The following RUNDC3B variants were observed in gnomAD, a reference collection of about 807,000 sequenced individuals.
RUNDC3B encodes the protein RUN domain containing 3B.
A neutral mutation model predicts 58.4 loss-of-function variants in RUNDC3B; 33 were observed. The ratio of observed to expected loss-of-function variants is 0.56; its 90% CI spans 0.43 to 0.75. RUNDC3B has a LOEUF of 0.75. Among genes scored for constraint, RUNDC3B ranks in the 30% least tolerant of loss-of-function variants. The probability of loss-of-function intolerance (pLI) is 0.00; values close to 1 mark genes in which losing one functional copy is unlikely to be tolerated. For missense variants in RUNDC3B, 501 were observed against 535.7 expected (o/e 0.94, Z 0.64); for synonymous variants, 193 against 195.2 (o/e 0.99, Z 0.10).
intron 4 of RUNDC3B, among the ~76,000 whole-genome samples, chr7:87,726,367 GT>G (rs1363915522): frequency 6.6e-6 from 1 of 152,158 alleles, no homozygotes; most frequent in Non-Finnish European, 1.5e-5. Flanking sequence ...CCCATTGCTG[GT>G]TTTTGTCAGG....
chr7:87,646,891 C>T (rs962501133), intron 1 of RUNDC3B, among the ~76,000 whole-genome samples: 2 of 152,056 alleles, frequency 1.3e-5, no homozygotes, highest in Non-Finnish European at 2.9e-5. Flanking sequence ...CTTGACTATC[C>T]GTTAGGTACA....
intron 1 of RUNDC3B, among the ~76,000 whole-genome samples, chr7:87,649,172 A>G (rs937664851): frequency 1.8e-4 from 27 of 152,328 alleles, no homozygotes; most frequent in Non-Finnish European, 1.5e-4. Flanking sequence ...TTGAGGTGAC[A>G]GGACTGTTTT....
At chr7:87,807,239 T>C (rs1836484053) in intron 8 of RUNDC3B, 134 bp from the exon 9 acceptor site, 2 of 702,326 alleles carry the variant, frequency 2.8e-6, no homozygotes, top group African/African-American at 3.6e-5. Flanking sequence ...CCATCCTTGC[T>C]GTAGTTCTGT....
intron 7 of RUNDC3B, among the ~76,000 whole-genome samples, chr7:87,771,985 T>A (rs1340748389): frequency 6.6e-6 from 1 of 152,146 alleles, no homozygotes; most frequent in African/African-American, 2.4e-5. Context: ...AATACTGCCA[T>A]CATGGCCAAT....
rs191775104 is a variant in RUNDC3B at position 87,787,863 on chromosome 7, C to T, written c.956+9908C>T. Among the ~76,000 whole-genome samples the T allele has an allele frequency of 3.3e-3, 499 of 152,270 alleles. 5 individuals are homozygous for T. The highest frequency in any genetic ancestry group is 0.012 in the African/African-American group (489 of 41,568). On this transcript the variant is annotated intron_variant, in intron 8 of 10. Transcript: ENST00000394654. The stretch of plus-strand genomic sequence containing the variant: ...TAAGTAGAAAATTAAAATCTTTTGT[C>T]AAAATGCTACGGATCAAACAATGAG...
chr7:87,748,794 G>A (rs1832798379), intron 6 of RUNDC3B, among the ~76,000 whole-genome samples: 2 of 152,130 alleles, frequency 1.3e-5, no homozygotes, highest in African/African-American at 2.4e-5. Flanking sequence ...GCTGAGGAGG[G>A]AAGGTATTTT....
chr7:87,741,225 A>C (rs1386283590), intron 5 of RUNDC3B, among the ~76,000 whole-genome samples: 3 of 150,354 alleles, frequency 2.0e-5, no homozygotes, highest in African/African-American at 7.5e-5. Flanking sequence ...AAAAAAAAAA[A>C]CAAACAAAAA....
intron 1 of RUNDC3B, chr7:87,629,217 G>A (rs1306183175): frequency 2.9e-6 from 1 of 347,790 alleles, no homozygotes; most frequent in Non-Finnish European, 5.2e-6. Context: ...TTTTGAATGT[G>A]CAATCTAGCG....
intron 4 of RUNDC3B, among the ~76,000 whole-genome samples, chr7:87,736,012 G>A (rs1371229679): frequency 1.3e-5 from 2 of 152,082 alleles, no homozygotes; most frequent in Non-Finnish European, 2.9e-5. Context: ...TTCTTGGCAA[G>A]ACCTTTGGAG....
intron 4 of RUNDC3B, 75 bp from the exon 5 acceptor site, chr7:87,739,716 G>T (rs1832201737): frequency 1.6e-6 from 1 of 626,418 alleles, no homozygotes; most frequent in East Asian, 2.9e-5. Flanking sequence ...AATAGTTTGG[G>T]CTCTAAATGA....
At chr7:87,766,191 G>A (rs935865784) in intron 6 of RUNDC3B, among the ~76,000 whole-genome samples, 3 of 152,026 alleles carry the variant, frequency 2.0e-5, no homozygotes, top group African/African-American at 7.2e-5. Context: ...GTATTTACCT[G>A]TTAGGTGGGT....
intron 7 of RUNDC3B, among the ~76,000 whole-genome samples, chr7:87,773,830 A>G (rs1335151230): frequency 6.6e-6 from 1 of 151,992 alleles, no homozygotes; most frequent in Non-Finnish European, 1.5e-5. Flanking sequence ...GGCATGTGAC[A>G]CCACACCTGG....
chr7:87,662,113 G>T (rs1209388693), intron 2 of RUNDC3B, among the ~76,000 whole-genome samples: 2 of 151,972 alleles, frequency 1.3e-5, no homozygotes, highest in Non-Finnish European at 2.9e-5. Context: ...GTTTTTTCCT[G>T]TAGAGTTGTT....
chr7:87,772,734 C>T (rs780430776), intron 7 of RUNDC3B, among the ~76,000 whole-genome samples: 27 of 151,980 alleles, frequency 1.8e-4, no homozygotes, highest in Admixed American at 6.6e-4. Flanking sequence ...GAAAAGAGAA[C>T]GCAAAATGCA....
intron 4 of RUNDC3B, among the ~76,000 whole-genome samples, chr7:87,715,322 T>A (rs1830474007): frequency 7.6e-6 from 1 of 131,534 alleles, no homozygotes; most frequent in Non-Finnish European, 1.6e-5. Flanking sequence ...TAATTTATAA[T>A]AATTATATAT....
chr7:87,689,665 C>G (rs1827831533), intron 2 of RUNDC3B, among the ~76,000 whole-genome samples: 1 of 152,080 alleles, frequency 6.6e-6, no homozygotes, highest in Non-Finnish European at 1.5e-5. Context: ...ATTTAGTGGA[C>G]TTTGTTCATT....
intron 4 of RUNDC3B, among the ~76,000 whole-genome samples, chr7:87,720,051 C>G (rs970409864): frequency 2.1e-5 from 3 of 146,216 alleles, no homozygotes; most frequent in Non-Finnish European, 4.5e-5. Context: ...ATAGAAACAT[C>G]AAAATACAAT....
At chr7:87,775,166 G>A (rs1834552278) in intron 7 of RUNDC3B, among the ~76,000 whole-genome samples, 1 of 152,174 alleles carries the variant, frequency 6.6e-6, no homozygotes, top group African/African-American at 2.4e-5. Context: ...AGCTCCATGT[G>A]TTAATGCTCC....
intron 2 of RUNDC3B, among the ~76,000 whole-genome samples, chr7:87,696,200 CATCTT>C (rs1828479959): frequency 1.3e-5 from 2 of 152,136 alleles, no homozygotes; most frequent in Admixed American, 1.3e-4. Flanking sequence ...CAGCATATCT[CATCTT>C]TGGAATAACA....
Sources: gnomAD v4.1 joint callset for allele counts (sites outside exome capture counted in the v4.1 genomes callset) on GRCh38, gnomAD v4.1.1 for gene constraint, MANE v1.5 for transcripts, NCBI Gene and HGNC (gene_info 2026-07-23, HGNC 2026-07-21) for gene names.